TRAPPC1: variants seen among roughly 807,000 people sequenced by gnomAD.
TRAPPC1 encodes the protein trafficking protein particle complex subunit 1, also known as BET5 homolog.
In TRAPPC1, 10 loss-of-function variants were observed where a neutral mutation model predicts 17.2. That is an observed-to-expected ratio of 0.58 (90% confidence interval 0.36 to 0.99). The LOEUF is 0.99. Ranked by LOEUF, TRAPPC1 falls within the 50% of genes least tolerant of loss-of-function variation. TRAPPC1 has a pLI of 0.01. For missense variants in TRAPPC1, 163 were observed against 184.4 expected (o/e 0.88, Z 0.67); for synonymous variants, 85 against 74.5 (o/e 1.14, Z -0.72).
chr17:7,931,462 C>G, intron 2 of TRAPPC1, 44 bp downstream of exon 2: 1 of 1,599,030 alleles, frequency 6.3e-7, no homozygotes, highest in Non-Finnish European at 8.6e-7. Context: ...CCCCAAATTC[C>G]CAAGGCTAGC....
Sources: gnomAD v4.1 joint callset for allele counts on GRCh38, gnomAD v4.1.1 for gene constraint, MANE v1.5 for transcripts, NCBI Gene and HGNC (gene_info 2026-07-23, HGNC 2026-07-21) for gene names.